Variants in ADGB observed in about 807,000 individuals in gnomAD.
The protein encoded by ADGB is calpain-7-like protein.
A neutral mutation model predicts 210.5 loss-of-function variants in ADGB; 172 were observed. That is an observed-to-expected ratio of 0.82 (90% CI 0.72 to 0.93). The LOEUF is 0.93. Ranked by LOEUF, ADGB falls within the 40% of genes least tolerant of loss-of-function variation. The probability of loss-of-function intolerance (pLI) is 0.00; values close to 1 mark genes in which losing one functional copy is unlikely to be tolerated. For missense variants in ADGB, 2,025 were observed against 1,964.8 expected, an observed-to-expected ratio of 1.03 and a Z score of -0.58; for synonymous variants, 658 against 662.7, an observed-to-expected ratio of 0.99 and a Z score of 0.11.
intron 29 of ADGB, among the ~76,000 whole-genome samples, chr6:146,778,496 T>C (rs1263254809): frequency 6.6e-6 from 1 of 152,218 alleles, no homozygotes; most frequent in Non-Finnish European, 1.5e-5. Context: ...TCTATAAAAA[T>C]CTTTGTTTTT....
chr6:146,628,172 AT>A (rs147962586), intron 1 of ADGB, among the ~76,000 whole-genome samples: 11 of 151,862 alleles, frequency 7.2e-5, no homozygotes, highest in African/African-American at 2.7e-4. Context: ...TTTGGATAGA[AT>A]TTTTTTATTA....
chr6:146,732,739 T>C (rs76706614), intron 20 of ADGB, among the ~76,000 whole-genome samples: 1,589 of 152,300 alleles, frequency 0.01, 30 homozygotes, highest in African/African-American at 0.036. Flanking sequence ...TCATTTTATG[T>C]AGCATATGAA....
chr6:146,807,315 C>G (rs1212715108), intron 35 of ADGB: 2 of 1,365,204 alleles, frequency 1.5e-6, no homozygotes, highest in East Asian at 5.0e-5. Flanking sequence ...GGCATAAGGA[C>G]AGGCTAAAGG....
chr6:146,643,451 T>C (rs965807502), intron 2 of ADGB, among the ~76,000 whole-genome samples: 1 of 151,870 alleles, frequency 6.6e-6, no homozygotes, highest in African/African-American at 2.4e-5. Context: ...AGGCATTTCG[T>C]TTATAACCTG....
At chr6:146,715,007 C>T (rs1221478722) in intron 13 of ADGB, among the ~76,000 whole-genome samples, 2 of 152,104 alleles carry the variant, frequency 1.3e-5, no homozygotes, top group African/African-American at 4.8e-5. Context: ...TTTTTAGGTT[C>T]TGTACATTAC....
At chr6:146,757,838 T>C (rs1479564018) in intron 27 of ADGB, among the ~76,000 whole-genome samples, 1 of 152,040 alleles carries the variant, frequency 6.6e-6, no homozygotes, top group Non-Finnish European at 1.5e-5. Flanking sequence ...TCCTGTCCTA[T>C]TAACCTTGGA....
At chr6:146,724,417 A>G (rs1583607580) in intron 18 of ADGB, 90 bp downstream of exon 18, 2 of 1,302,672 alleles carry the variant, frequency 1.5e-6, no homozygotes, top group South Asian at 1.9e-5. Flanking sequence ...TATGGACTCT[A>G]AGACATTGTT....
At chr6:146,732,832 A>AT (rs201867669) in intron 20 of ADGB, among the ~76,000 whole-genome samples, 8 of 151,890 alleles carry the variant, frequency 5.3e-5, no homozygotes, top group Admixed American at 2.0e-4. Context: ...GGATAATGCT[A>AT]TTTTTTTTAC....
intron 27 of ADGB, among the ~76,000 whole-genome samples, chr6:146,763,664 G>A (rs1236449101): frequency 6.6e-6 from 1 of 152,128 alleles, no homozygotes; most frequent in Non-Finnish European, 1.5e-5. Flanking sequence ...TTGAACTGTT[G>A]TATATACTTT....
intron 13 of ADGB, among the ~76,000 whole-genome samples, chr6:146,702,842 G>T (rs899434123): frequency 4.0e-5 from 6 of 151,778 alleles, no homozygotes; most frequent in Non-Finnish European, 8.9e-5. Context: ...TAGTTGGATT[G>T]TTTGGCCAAC....
At chr6:146,676,658 A>G (rs1776089095) in intron 9 of ADGB, among the ~76,000 whole-genome samples, 1 of 152,214 alleles carries the variant, frequency 6.6e-6, no homozygotes, top group Non-Finnish European at 1.5e-5. Context: ...ATTGTCACAG[A>G]AGAAGTATCC....
At position 146,614,050 on chromosome 6, in the gene ADGB, A is replaced by G. The variant is rs552803989; in HGVS notation, c.74+14936A>G. Among the ~76,000 whole-genome samples the G allele has an allele frequency of 3.3e-3, 504 of 152,254 alleles. 2 individuals are homozygous for G. Among genetic ancestry groups the G allele is most frequent in the African/African-American group, 0.012 (481 of 41,550 alleles). ...CTTTATTGCATATGACTAGGTAATC[A>G]ACAGTATAATAGAGTGTCGATTTAA... is the stretch of plus-strand genomic sequence containing the variant. On this transcript the variant is annotated intron_variant, in intron 1 of 35. Transcript: ENST00000397944.
intron 13 of ADGB, among the ~76,000 whole-genome samples, chr6:146,712,379 G>T (rs778419955): frequency 8.6e-5 from 13 of 151,916 alleles, no homozygotes; most frequent in Non-Finnish European, 1.9e-4. Flanking sequence ...TAGAGATGGG[G>T]TTTTGCCATG....
rs143055944 is a variant in ADGB, at chr6:146,696,237, G to A, written c.1577+3322G>A. Among the ~76,000 whole-genome samples, 739 of 151,972 alleles carry A rather than the reference G, an allele frequency of 4.9e-3. 7 individuals are homozygous for A. The highest frequency in any genetic ancestry group is 0.017 in the African/African-American group (715 of 41,468). ...ATTGCAGGTGTGTGCCACCACACCC[G>A]GCTAATTTTTGTATTTTTTGTAGAG... On this transcript the variant is annotated intron_variant, in intron 12 of 35. Coordinates refer to ENST00000397944, the MANE Select transcript of ADGB (RefSeq NM_024694.4).
At chr6:146,703,133 A>G (rs932236620) in intron 13 of ADGB, among the ~76,000 whole-genome samples, 1 of 151,770 alleles carries the variant, frequency 6.6e-6, no homozygotes, top group Non-Finnish European at 1.5e-5. Context: ...TTTGGGTTGT[A>G]TGTTCCTATT....
intron 1 of ADGB, among the ~76,000 whole-genome samples, chr6:146,620,198 T>C (rs1780868095): frequency 6.6e-6 from 1 of 152,186 alleles, no homozygotes; most frequent in Non-Finnish European, 1.5e-5. Context: ...GCTGCTTTGA[T>C]GATTCTTTGT....
chr6:146,628,269 A>G (rs564775127), intron 1 of ADGB, among the ~76,000 whole-genome samples: 64 of 151,992 alleles, frequency 4.2e-4, no homozygotes, highest in African/African-American at 1.5e-3. Context: ...ACATCTCCAT[A>G]TAAGAATTTT....
At chr6:146,798,760 T>C (rs953159872) in intron 33 of ADGB, among the ~76,000 whole-genome samples, 3 of 151,720 alleles carry the variant, frequency 2.0e-5, no homozygotes, top group South Asian at 2.1e-4. Context: ...TTTCTACATA[T>C]TGATGAACAA....
chr6:146,746,024 C>T lies in ADGB; in HGVS notation c.3280C>T (p.Leu1094Phe). The change falls in exon 26 of 36, where the codon CTC becomes TTC. Residue 1094 changes from leucine to phenylalanine, a missense_variant. Leu to Phe is a conservative substitution (Grantham distance 22). Transcript: ENST00000397944. ...LIGSSAPLPC[L>F]SRDSPCNSFA... Reference sequence around the variant, plus strand: ...CGGTTCTTCTGCTCCACTGCCATGCCTCTCTCGAGACTCTCCATGCAATTC... The same window carrying T: ...CGGTTCTTCTGCTCCACTGCCATGCTTCTCTCGAGACTCTCCATGCAATTC... 1 of 1,551,354 alleles carries T rather than the reference C, an allele frequency of 6.4e-7. No homozygotes were observed. Among genetic ancestry groups the T allele is most frequent in the Non-Finnish European group, 8.7e-7 (1 of 1,146,774 alleles).
Sources: gnomAD v4.1 joint callset for allele counts (sites outside exome capture counted in the v4.1 genomes callset) on GRCh38, gnomAD v4.1.1 for gene constraint, MANE v1.5 for transcripts, NCBI Gene and HGNC (gene_info 2026-07-23, HGNC 2026-07-21) for gene names.